RPGRIP1L: variants seen among roughly 807,000 people sequenced by gnomAD.
RPGRIP1L encodes protein fantom.
Under a neutral mutation model 160.4 loss-of-function variants are expected in RPGRIP1L, and 131 were observed. That is an observed-to-expected ratio of 0.82 (90% CI 0.71 to 0.94). The LOEUF (loss-of-function observed/expected upper bound fraction) is 0.94, where lower values mean the gene tolerates loss of function less well. Ranked by LOEUF, RPGRIP1L falls within the 40% of genes least tolerant of loss-of-function variation. The pLI, the probability that RPGRIP1L is intolerant of heterozygous loss-of-function variation, is 0.00. For synonymous variants in RPGRIP1L, 510 were observed against 515.8 expected (o/e 0.99, Z 0.15); for missense variants, 1,522 against 1,535.8 (o/e 0.99, Z 0.15).
At chr16:53,694,571 T>C (rs955879070) in intron 3 of RPGRIP1L, 2 of 152,140 alleles carry the variant, frequency 1.3e-5, no homozygotes, top group Non-Finnish European at 2.9e-5. Context: ...CTCAGTCCAA[T>C]GGCGCGATCT....
At chr16:53,638,285 A>G in intron 20 of RPGRIP1L, 25 bp downstream of exon 20, 1 of 1,355,914 alleles carries the variant, frequency 7.4e-7, no homozygotes, top group Non-Finnish European at 1.1e-6. Flanking sequence ...AAACCTTCCA[A>G]AATAATTTTA....
In RPGRIP1L at chr16:53,658,451, T is replaced by C. The variant is rs1967458211; in HGVS notation, c.1364A>G (p.Asn455Ser). The change falls in exon 12 of 27, where the codon AAT becomes AGT. Residue 455 changes from asparagine to serine, a missense_variant. Asn to Ser is a conservative substitution (Grantham distance 46, BLOSUM62 1). Coordinates refer to ENST00000647211, the MANE Select transcript of RPGRIP1L (RefSeq NM_015272.5). ...IKLYNQENDI[N>S]ADELSEALLL... ...GAGAGCTTCACTCAATTCATCAGCA[T>C]TAATATCATTCTCCTGCAATAGATT... The C allele has an allele frequency of 6.2e-7, 1 of 1,610,052 alleles. No homozygotes were observed.
chr16:53,692,615 A>G (rs1970463459), intron 3 of RPGRIP1L, among the ~76,000 whole-genome samples: 1 of 152,222 alleles, frequency 6.6e-6, no homozygotes, highest in African/African-American at 2.4e-5. Context: ...TAAAGAGAGG[A>G]CACATATTTA....
intron 16 of RPGRIP1L, among the ~76,000 whole-genome samples, chr16:53,648,626 GCACACACA>G (rs113624342): frequency 1.3e-4 from 18 of 143,988 alleles, no homozygotes; most frequent in East Asian, 4.1e-4. Context: ...GCGCGCGCGC[GCACACACA>G]CACACACACA....
At chr16:53,703,652 G>C (rs997598825) in intron 1 of RPGRIP1L, 151 bp downstream of exon 1, 8 of 215,042 alleles carry the variant, frequency 3.7e-5, no homozygotes, top group Non-Finnish European at 7.7e-5. Flanking sequence ...GTCTTGGGCT[G>C]GGCTGCTTTC....
chr16:53,624,542 T>TA (rs76712013), intron 22 of RPGRIP1L, among the ~76,000 whole-genome samples: 104 of 140,642 alleles, frequency 7.4e-4, no homozygotes, highest in Middle Eastern at 3.8e-3. Context: ...AGACTCCACC[T>TA]AAAAAAAAAA....
rs77008584 is a variant in RPGRIP1L, at chr16:53,605,296, G to T, written c.3835+185C>A. The T allele has an allele frequency of 0.064, 41,570 of 646,530 alleles. 2,479 individuals are homozygous for T. The highest frequency in any genetic ancestry group is 0.28 in the East Asian group (10,222 of 37,072). The allele number at this position is 646,530 out of a possible 1,614,324, so 40.0% of individuals were successfully genotyped here. A position where few individuals can be genotyped will look rare whatever the true frequency, so the allele number is the denominator to read the frequency against. On this transcript the variant is annotated intron_variant, in intron 26 of 26. Coordinates refer to ENST00000647211, the MANE Select transcript of RPGRIP1L (RefSeq NM_015272.5). ...TTGCTGTTGATTCAAAGGAAAGCAG[G>T]GGGGAGGACAGGAAAAGGATATAGG...
rs775563304 is a variant in RPGRIP1L at position 53,657,557 on chromosome 16, G to A, written c.1477C>T (p.Arg493Cys). 1.5e-5 allele frequency: 24 copies of A among 1,602,900 alleles called. No homozygotes were observed. Among genetic ancestry groups the A allele is most frequent in the Middle Eastern group, 1.7e-4 (1 of 5,994 alleles). Residue 493 changes from arginine (R) to cysteine (C), a missense_variant, in exon 13 of 27, where the codon CGC becomes TGC. Coordinates refer to ENST00000647211, the MANE Select transcript of RPGRIP1L (RefSeq NM_015272.5). ...GTTGCTTGCAGCTCTCTCATAGAGC[G>A]TTCTAGATCTTTATTAATTTCACTA... Reference protein sequence around the residue: ...VDSEINKDLERSMRELQATHA... With the variant: ...VDSEINKDLECSMRELQATHA...
At chr16:53,627,739 T>G (rs1957319174) in intron 22 of RPGRIP1L, among the ~76,000 whole-genome samples, 1 of 152,200 alleles carries the variant, frequency 6.6e-6, no homozygotes, top group Admixed American at 6.5e-5. Context: ...TTCTGTTTTT[T>G]TATACTCAAT....
intron 21 of RPGRIP1L, among the ~76,000 whole-genome samples, chr16:53,636,959 C>T (rs1965877026): frequency 9.3e-6 from 1 of 107,128 alleles, no homozygotes. Context: ...CACACACACA[C>T]ACACACACAC....
intron 20 of RPGRIP1L, 68 bp from the exon 21 acceptor site, chr16:53,637,922 G>A: frequency 6.9e-7 from 1 of 1,454,188 alleles, no homozygotes; most frequent in Non-Finnish European, 9.6e-7. Flanking sequence ...ATTATTGCTG[G>A]AACAGTTGAA....
At chr16:53,622,427 C>T in intron 22 of RPGRIP1L, 71 bp from the exon 23 acceptor site, 1 of 547,598 alleles carries the variant, frequency 1.8e-6, no homozygotes, top group Non-Finnish European at 3.3e-6. Context: ...AACTTCATCT[C>T]AGCATGTCAG....
At position 53,602,345 on chromosome 16, in the gene RPGRIP1L, G is replaced by T. The variant is rs112031846; in HGVS notation, c.3836-157C>A. On this transcript the variant is annotated intron_variant, in intron 26 of 26. Coordinates refer to ENST00000647211, the MANE Select transcript of RPGRIP1L (RefSeq NM_015272.5). ...GTATCTAAAGAATAAACCTTGTCAC[G>T]TGTGCATGGAGATGTGCATTTGAGA... Among the ~76,000 whole-genome samples the T allele has an allele frequency of 1.6e-4, 25 of 152,260 alleles. 2 individuals carry two copies. Among genetic ancestry groups the T allele is most frequent in the Admixed American group, 5.2e-4 (8 of 15,300 alleles).
chr16:53,675,898 GAC>G (rs1183134619), intron 6 of RPGRIP1L, among the ~76,000 whole-genome samples: 1 of 152,006 alleles, frequency 6.6e-6, no homozygotes, highest in African/African-American at 2.4e-5. Flanking sequence ...TTATTTTCTT[GAC>G]AGAGAAAAGT....
chr16:53,605,736 A>C, intron 25 of RPGRIP1L, 122 bp from the exon 26 acceptor site: 1 of 981,458 alleles, frequency 1.0e-6, no homozygotes, highest in Non-Finnish European at 1.6e-6. Context: ...TATCCCAATA[A>C]AAAGAAAGGT....
At position 53,645,787 on chromosome 16, in the gene RPGRIP1L, G is replaced by C. The variant is rs1333161965; in HGVS notation, c.2521C>G (p.His841Asp). Reference sequence around the variant, plus strand: ...TTCATTGGCACTGGGAAATACATATGATCATCAAACTGTGGATCATTGCTA... The same window carrying C: ...TTCATTGGCACTGGGAAATACATATCATCATCAAACTGTGGATCATTGCTA... ...PSSNDPQFDD[H>D]MYFPVPMNMD... Residue 841 changes from histidine (H) to aspartate (D), a missense_variant, in exon 17 of 27, where the codon CAT becomes GAT. By Grantham distance (81) the His-to-Asp change is moderately conservative (BLOSUM62 -1). Transcript: ENST00000647211. The C allele has an allele frequency of 2.5e-6, 4 of 1,614,096 alleles. No homozygotes were observed. In the South Asian group the frequency reaches 3.3e-5, roughly 13 times the overall value.
intron 14 of RPGRIP1L, among the ~76,000 whole-genome samples, chr16:53,653,852 AT>A (rs906705261): frequency 6.6e-6 from 1 of 152,090 alleles, no homozygotes; most frequent in African/African-American, 2.4e-5. Flanking sequence ...ACTATTTTAA[AT>A]TCATATTTAT....
At chr16:53,611,879 G>A (rs1964065457) in intron 24 of RPGRIP1L, among the ~76,000 whole-genome samples, 2 of 152,202 alleles carry the variant, frequency 1.3e-5, no homozygotes, top group South Asian at 4.1e-4. Flanking sequence ...CATTTTGGAT[G>A]TAAAGGCTCC....
chr16:53,646,106 C>A, intron 16 of RPGRIP1L, 103 bp from the exon 17 acceptor site: 2 of 983,872 alleles, frequency 2.0e-6, no homozygotes, highest in Non-Finnish European at 3.1e-6. Context: ...ACAAAAGCTG[C>A]ATATTTTCAC....
Sources: allele counts gnomAD v4.1 joint callset (sites outside exome capture counted in the v4.1 genomes callset), GRCh38; gene constraint gnomAD v4.1.1; transcripts MANE v1.5; gene names NCBI Gene and HGNC (gene_info 2026-07-23, HGNC 2026-07-21).